Variants in ADARB2 observed in about 807,000 individuals in gnomAD.
ADARB2 encodes inactive double-stranded RNA-specific editase B2.
ADARB2 carries 25 observed loss-of-function variants against 62.2 expected under a neutral mutation model. The observed-to-expected ratio is 0.40, with a 90% CI of 0.29 to 0.56. The LOEUF (loss-of-function observed/expected upper bound fraction) is 0.56, where lower values mean the gene tolerates loss of function less well. ADARB2 is among the 20% of genes least tolerant of loss of function. The pLI is 0.43. For synonymous variants in ADARB2, 572 were observed against 500.8 expected (o/e 1.14, Z -1.90); for missense variants, 1,071 against 1,077.4 (o/e 0.99, Z 0.08).
intron 1 of ADARB2, among the ~76,000 whole-genome samples, chr10:1,515,831 G>A (rs867146723): frequency 6.6e-6 from 1 of 152,252 alleles, no homozygotes; most frequent in South Asian, 2.1e-4. Context: ...TCACTCAGCC[G>A]ATTTGTGAGC....
At chr10:1,561,155 A>G (rs925694835) in intron 1 of ADARB2, among the ~76,000 whole-genome samples, 2 of 152,222 alleles carry the variant, frequency 1.3e-5, no homozygotes, top group Admixed American at 6.5e-5. Context: ...TAATCAATAT[A>G]AAGACATCAA....
At chr10:1,418,287 A>G (rs1832822249) in intron 1 of ADARB2, among the ~76,000 whole-genome samples, 1 of 152,182 alleles carries the variant, frequency 6.6e-6, no homozygotes, top group Admixed American at 6.5e-5. Flanking sequence ...AGTTCCCGGG[A>G]AAGACGGTGG....
intron 1 of ADARB2, among the ~76,000 whole-genome samples, chr10:1,641,738 C>A (rs915978173): frequency 6.6e-6 from 1 of 152,178 alleles, no homozygotes. Context: ...CCTGGCTGGG[C>A]GTGGCGGCTC....
chr10:1,567,138 A>G (rs1352116093), intron 1 of ADARB2, among the ~76,000 whole-genome samples: 1 of 152,074 alleles, frequency 6.6e-6, no homozygotes. Flanking sequence ...GCTGAGGGTG[A>G]CTGGGGGTCC....
intron 6 of ADARB2, among the ~76,000 whole-genome samples, chr10:1,223,011 T>G (rs1830708465): frequency 6.6e-6 from 1 of 152,224 alleles, no homozygotes; most frequent in Non-Finnish European, 1.5e-5. Context: ...TTGGGCAATA[T>G]GGCCTTTTTC....
At chr10:1,244,375 C>T (rs142804738) in intron 4 of ADARB2, among the ~76,000 whole-genome samples, 9 of 152,378 alleles carry the variant, frequency 5.9e-5, no homozygotes, top group African/African-American at 1.9e-4. Flanking sequence ...CATGCAGTCT[C>T]TGGTGGAAAC....
At chr10:1,624,788 T>C (rs1833746517) in intron 1 of ADARB2, among the ~76,000 whole-genome samples, 1 of 152,124 alleles carries the variant, frequency 6.6e-6, no homozygotes, top group Admixed American at 6.5e-5. Flanking sequence ...ATCTTCAGAG[T>C]CTTTAAAGGT....
In ADARB2 at chr10:1,376,944, C is replaced by T. The variant is rs185756020; in HGVS notation, c.187+2130G>A. ...CTTGTGTGCTCCTGGGGTGTGTGTG[C>T]GCTCCTGGGGTGTGTTTGTGTGCAC... is the stretch of plus-strand genomic sequence containing the variant. On this transcript the variant is annotated intron_variant, in intron 2 of 9. Transcript: ENST00000381312. Among the ~76,000 whole-genome samples the T allele has an allele frequency of 5.8e-3, 749 of 128,102 alleles. 20 individuals are homozygous for T. The highest frequency in any genetic ancestry group is 0.02 in the African/African-American group (667 of 32,626). 84.0% of individuals were successfully genotyped at this position (128,102 alleles called of 152,430 possible).
chr10:1,500,405 A>T (rs1176245252), intron 1 of ADARB2, among the ~76,000 whole-genome samples: 1 of 152,218 alleles, frequency 6.6e-6, no homozygotes, highest in East Asian at 1.9e-4. Context: ...CTTTGAAGCA[A>T]TTATTCCAGT....
intron 1 of ADARB2, among the ~76,000 whole-genome samples, chr10:1,682,408 T>A (rs1471238607): frequency 6.6e-6 from 1 of 152,222 alleles, no homozygotes; most frequent in African/African-American, 2.4e-5. Context: ...GGAAGCCATT[T>A]GCACTTTAAG....
intron 3 of ADARB2, among the ~76,000 whole-genome samples, chr10:1,330,166 T>C (rs183012441): frequency 6.6e-6 from 1 of 152,014 alleles, no homozygotes; most frequent in Non-Finnish European, 1.5e-5. Context: ...TGAGTCAGGG[T>C]CGATTCAGCC....
chr10:1,510,124 C>CTTTCTTTCTTTCTT (rs1564312561), intron 1 of ADARB2, among the ~76,000 whole-genome samples: 2 of 117,664 alleles, frequency 1.7e-5, no homozygotes, highest in South Asian at 2.7e-4. Context: ...TTCTTTCTTT[C>CTTTCTTTCTTTCTT]TTTCTTTCTT....
chr10:1,685,427 C>A (rs1834586417), intron 1 of ADARB2, among the ~76,000 whole-genome samples: 1 of 152,188 alleles, frequency 6.6e-6, no homozygotes, highest in African/African-American at 2.4e-5. Context: ...CTTTCCTGTG[C>A]CTTGTACCTG....
At chr10:1,734,116 C>T (rs1835269772) in intron 1 of ADARB2, among the ~76,000 whole-genome samples, 2 of 151,530 alleles carry the variant, frequency 1.3e-5, no homozygotes, top group Admixed American at 1.3e-4. Flanking sequence ...AAAAGAAAGT[C>T]CCTGCTGAAA....
At chr10:1,267,411 G>A (rs960145771) in intron 4 of ADARB2, among the ~76,000 whole-genome samples, 1 of 152,176 alleles carries the variant, frequency 6.6e-6, no homozygotes, top group East Asian at 1.9e-4. Context: ...TCTATGAGGG[G>A]AGACAAAGCA....
intron 4 of ADARB2, among the ~76,000 whole-genome samples, chr10:1,259,113 C>T (rs375601584): frequency 6.6e-6 from 1 of 152,132 alleles, no homozygotes; most frequent in South Asian, 2.1e-4. Context: ...AGAACAAAGA[C>T]ACAACATACC....
rs188762326 is a variant in ADARB2 at position 1,310,511 on chromosome 10, G to A, written c.1078-39442C>T. On this transcript the variant is annotated intron_variant, in intron 3 of 9. Transcript: ENST00000381312. ...CTAAACCTACTTTCTAAGCCCTGGA[G>A]GCCCCAGAAGTGAAAGTCCTCAAAC... 2.0e-5 allele frequency among the ~76,000 whole-genome samples: 3 copies of A among 152,344 alleles called. No individual in the cohort carries two copies. In the East Asian group the frequency reaches 5.8e-4, roughly 29 times the overall value.
chr10:1,687,658 A>C lies in ADARB2; in HGVS notation c.100+49393T>G, dbSNP rs1006327462. Among the ~76,000 whole-genome samples, 6 of 119,222 alleles carry C rather than the reference A, an allele frequency of 5.0e-5. No individual in the cohort carries two copies. In the East Asian group the frequency reaches 1.0e-3, roughly 21 times the overall value. The allele number at this position is 119,222 out of a possible 152,430, so 78.2% of individuals were successfully genotyped here. A position where few individuals can be genotyped will look rare whatever the true frequency, so the allele number is the denominator to read the frequency against. ...TTTAAATAATCATATTTTTTTCTGC[A>C]AAAAAAAAAAATTGAGGACAAGGAT... On this transcript the variant is annotated intron_variant, in intron 1 of 9. Coordinates refer to ENST00000381312, the MANE Select transcript of ADARB2 (RefSeq NM_018702.4).
rs538406325 is a variant in ADARB2 at position 1,434,855 on chromosome 10, G to A, written c.101-55695C>T. Among the ~76,000 whole-genome samples the A allele has an allele frequency of 6.6e-5, 10 of 152,186 alleles. 1 individual carries two copies. Among genetic ancestry groups the A allele is most frequent in the Middle Eastern group, 3.2e-3 (1 of 316 alleles). ...AGGTACAGAAGCTCTGGAAAACTTT[G>A]TCATTCTGAGTTGGTCTGGCGATAG... is the stretch of plus-strand genomic sequence containing the variant. On this transcript the variant is annotated intron_variant, in intron 1 of 9. Transcript: ENST00000381312.
Sources: gnomAD v4.1 joint callset for allele counts (sites outside exome capture counted in the v4.1 genomes callset) on GRCh38, gnomAD v4.1.1 for gene constraint, MANE v1.5 for transcripts, NCBI Gene and HGNC (gene_info 2026-07-23, HGNC 2026-07-21) for gene names.